Variants in LGSN observed in about 807,000 individuals in gnomAD.
LGSN encodes lengsin, lens protein with glutamine synthetase domain, also known as lengsin.
Under a neutral mutation model 19.5 loss-of-function variants are expected in LGSN, and 21 were observed. The observed-to-expected ratio is 1.07, with a 90% confidence interval of 0.76 to 1.55. The LOEUF is 1.55. LGSN is among the 40% of genes most tolerant of loss of function. The pLI is 0.00. For missense variants in LGSN, 673 were observed against 608.5 expected (o/e 1.11, Z -1.12); for synonymous variants, 257 against 215.6 (o/e 1.19, Z -1.68).
At chr6:63,285,808 A>C (rs974580790) in intron 2 of LGSN, 55 bp from the exon 3 acceptor site, 16 of 1,398,108 alleles carry the variant, frequency 1.1e-5, no homozygotes, top group Admixed American at 1.8e-5. Flanking sequence ...ACTGAGAAGC[A>C]AAAGGAGACT....
chr6:63,345,914 T>C, the LGSN span, among the ~76,000 whole-genome samples: 449 of 152,334 alleles, frequency 2.9e-3, 3 homozygotes, highest in African/African-American at 0.01. Flanking sequence ...AACTAAATTT[T>C]CAAAACTAAA....
chr6:63,544,717 T>C, the LGSN span, among the ~76,000 whole-genome samples: 22 of 152,304 alleles, frequency 1.4e-4, no homozygotes, highest in African/African-American at 5.1e-4. Flanking sequence ...TTTTCTGATG[T>C]TTCCTCATGA....
At chr6:63,336,559 GTGTA>G in the LGSN span, among the ~76,000 whole-genome samples, 97 of 124,738 alleles carry the variant, frequency 7.8e-4, 1 homozygote, top group East Asian at 5.7e-3. Flanking sequence ...GTGTGTGTGT[GTGTA>G]TATATATATA....
chr6:63,348,522 C>A, the LGSN span, among the ~76,000 whole-genome samples: 1 of 151,804 alleles, frequency 6.6e-6, no homozygotes, highest in African/African-American at 2.4e-5. Flanking sequence ...GCTCTTGGTG[C>A]GCATGGCATT....
chr6:63,464,619 G>C, the LGSN span, among the ~76,000 whole-genome samples: 1 of 151,098 alleles, frequency 6.6e-6, no homozygotes, highest in Non-Finnish European at 1.5e-5. Flanking sequence ...AATTAAAAGA[G>C]GACATTTAAT....
chr6:63,427,510 A>C, the LGSN span, among the ~76,000 whole-genome samples: 1 of 152,188 alleles, frequency 6.6e-6, no homozygotes, highest in Non-Finnish European at 1.5e-5. Flanking sequence ...CCCTCACAAT[A>C]TAAAGTGTCT....
At chr6:63,424,518 C>A in the LGSN span, among the ~76,000 whole-genome samples, 1 of 151,774 alleles carries the variant, frequency 6.6e-6, no homozygotes, top group Non-Finnish European at 1.5e-5. Context: ...GACACACACA[C>A]ACACACACAC....
chr6:63,475,999 T>G, the LGSN span, among the ~76,000 whole-genome samples: 1 of 152,218 alleles, frequency 6.6e-6, no homozygotes. Context: ...TCTAATGTCA[T>G]TCAGATCAAG....
the LGSN span, among the ~76,000 whole-genome samples, chr6:63,511,989 A>AT: frequency 4.7e-4 from 72 of 152,268 alleles, no homozygotes; most frequent in Non-Finnish European, 8.8e-4. Context: ...AAGGATACTT[A>AT]TTTTACTATA....
intron 1 of LGSN, among the ~76,000 whole-genome samples, chr6:63,314,140 G>T (rs191883271): frequency 6.6e-6 from 1 of 152,210 alleles, no homozygotes; most frequent in Non-Finnish European, 1.5e-5. Flanking sequence ...AAACCATACA[G>T]TAAACCCTAA....
At chr6:63,487,246 A>G in the LGSN span, among the ~76,000 whole-genome samples, 3 of 152,202 alleles carry the variant, frequency 2.0e-5, no homozygotes, top group Admixed American at 6.5e-5. Context: ...CTGGGATTAC[A>G]GGCATGAGCT....
the LGSN span, among the ~76,000 whole-genome samples, chr6:63,486,889 G>A: frequency 2.0e-5 from 3 of 151,484 alleles, no homozygotes; most frequent in South Asian, 6.3e-4. Flanking sequence ...AGGCTGGAGT[G>A]CAGTGGTGCA....
At chr6:63,552,238 G>A in the LGSN span, among the ~76,000 whole-genome samples, 7 of 152,248 alleles carry the variant, frequency 4.6e-5, no homozygotes, top group Non-Finnish European at 1.0e-4. Context: ...ACTGGTGTGA[G>A]ATGGTATCTC....
the LGSN span, among the ~76,000 whole-genome samples, chr6:63,355,350 A>C: frequency 3.9e-5 from 6 of 152,226 alleles, no homozygotes; most frequent in Admixed American, 1.3e-4. Flanking sequence ...ACAAAAGTGA[A>C]GAAAATGTAC....
At chr6:63,322,783 C>T (rs1021483917), upstream of LGSN, among the ~76,000 whole-genome samples, 7 of 152,048 alleles carry the variant, frequency 4.6e-5, no homozygotes, top group Admixed American at 1.3e-4. Context: ...GATTTAAAAC[C>T]GATGATTAAA....
chr6:63,406,463 T>C, the LGSN span, among the ~76,000 whole-genome samples: 2 of 151,102 alleles, frequency 1.3e-5, no homozygotes, highest in Non-Finnish European at 2.9e-5. Flanking sequence ...GAAATAAAGA[T>C]GTTCTTTGAA....
At chr6:63,353,699 G>A in the LGSN span, among the ~76,000 whole-genome samples, 1 of 151,386 alleles carries the variant, frequency 6.6e-6, no homozygotes, top group Non-Finnish European at 1.5e-5. Flanking sequence ...GCAGTCCTCA[G>A]CAAAAAGAAC....
the LGSN span, among the ~76,000 whole-genome samples, chr6:63,483,941 G>A: frequency 2.0e-3 from 308 of 151,984 alleles, no homozygotes; most frequent in Non-Finnish European, 2.4e-3. Flanking sequence ...ATTTGAGGGA[G>A]TACAGTTCAG....
At chr6:63,342,495 C>A in the LGSN span, among the ~76,000 whole-genome samples, 449 of 152,184 alleles carry the variant, frequency 3.0e-3, 3 homozygotes, top group African/African-American at 0.01. Context: ...ATGAACATAG[C>A]AAGTAGTACA....
Sources: gnomAD v4.1 joint callset for allele counts (sites outside exome capture counted in the v4.1 genomes callset) on GRCh38, gnomAD v4.1.1 for gene constraint, MANE v1.5 for transcripts, NCBI Gene and HGNC (gene_info 2026-07-23, HGNC 2026-07-21) for gene names.